The following NAV3 variants were observed in gnomAD, a reference collection of about 807,000 sequenced individuals.
The protein encoded by NAV3 is neuron navigator 3.
A neutral mutation model predicts 244.7 loss-of-function variants in NAV3; 87 were observed. The observed-to-expected ratio is 0.36, with a 90% CI of 0.30 to 0.42. NAV3 has a LOEUF of 0.42. Among genes scored for constraint, NAV3 ranks in the 20% least tolerant of loss-of-function variants. The probability of loss-of-function intolerance (pLI) is 1.00; values close to 1 mark genes in which losing one functional copy is unlikely to be tolerated. For synonymous variants in NAV3, 1,126 were observed against 1,042.2 expected (o/e 1.08, Z -1.55); for missense variants, 2,663 against 2,893.3 (o/e 0.92, Z 1.83).
At chr12:77,912,941 A>G (rs1480755258) in intron 1 of NAV3, among the ~76,000 whole-genome samples, 1 of 152,092 alleles carries the variant, frequency 6.6e-6, no homozygotes, top group Non-Finnish European at 1.5e-5. Context: ...GAAATAAGTA[A>G]TATGTACATT....
intron 12 of NAV3, among the ~76,000 whole-genome samples, chr12:78,070,028 CTT>C (rs959022085): frequency 8.6e-5 from 13 of 152,018 alleles, no homozygotes; most frequent in African/African-American, 2.2e-4. Context: ...CTTTATGAAA[CTT>C]AATTAAATAT....
At chr12:77,871,440 TC>T (rs1383439261) in intron 1 of NAV3, among the ~76,000 whole-genome samples, 1 of 152,050 alleles carries the variant, frequency 6.6e-6, no homozygotes, top group African/African-American at 2.4e-5. Context: ...CCTCCCCTAA[TC>T]CCCATCCCCC....
At chr12:77,600,096 A>G (rs975315839) in intron 2 of NAV3, among the ~76,000 whole-genome samples, 1 of 152,000 alleles carries the variant, frequency 6.6e-6, no homozygotes, top group Non-Finnish European at 1.5e-5. Flanking sequence ...ATTTAGAAAC[A>G]TTGATGCTTA....
At chr12:77,672,888 A>G (rs1470498118) in intron 2 of NAV3, among the ~76,000 whole-genome samples, 1 of 152,190 alleles carries the variant, frequency 6.6e-6, no homozygotes, top group African/African-American at 2.4e-5. Flanking sequence ...TTTTAAAACT[A>G]TATGACTATT....
At position 77,952,210 on chromosome 12, in the gene NAV3, G is replaced by C. The variant is rs1890968195; in HGVS notation, c.414+11077G>C. Among the ~76,000 whole-genome samples, 5 of 152,052 alleles carry C rather than the reference G, an allele frequency of 3.3e-5. No homozygotes were observed. In the South Asian group the frequency reaches 1.0e-3, roughly 31 times the overall value. ...CTCACTCTTTTGACACTGCTTTACA[G>C]GGCAGAAGTTTTTAATTTTTATGAA... On this transcript the variant is annotated intron_variant, in intron 3 of 39. Transcript: ENST00000397909.
At chr12:77,722,523 G>C (rs1876684881) in intron 2 of NAV3, among the ~76,000 whole-genome samples, 1 of 152,022 alleles carries the variant, frequency 6.6e-6, no homozygotes, top group Non-Finnish European at 1.5e-5. Flanking sequence ...GGGCCTAGTT[G>C]TGGTAATTTT....
chr12:78,108,212 A>G (rs771595485), intron 12 of NAV3, among the ~76,000 whole-genome samples: 3 of 152,174 alleles, frequency 2.0e-5, no homozygotes, highest in Non-Finnish European at 2.9e-5. Context: ...AAAAAAGACA[A>G]AGGATGTTAT....
Position 77,727,062 on chromosome 12 carries a change from CATG to C in NAV3, c.72+154798_72+154800del, listed in dbSNP as rs1174607572. Among the ~76,000 whole-genome samples the C allele has an allele frequency of 7.9e-5, 12 of 152,026 alleles. No individual in the cohort carries two copies. In the East Asian group the frequency reaches 1.4e-3, roughly 17 times the overall value. ...CATGAATGAAGATAGCAGAAGGAGA[CATG>C]AGGAGGTGGGGACCATATTGAGGAA... On this transcript the variant is annotated intron_variant, in intron 2 of 8. Coordinates refer to the NAV3 transcript ENST00000550042.
intron 2 of NAV3, among the ~76,000 whole-genome samples, chr12:77,747,910 C>T (rs979796524): frequency 5.9e-5 from 9 of 152,040 alleles, no homozygotes; most frequent in Non-Finnish European, 8.8e-5. Flanking sequence ...GGAGGGATAG[C>T]GTTAGGAGAT....
chr12:77,612,977 A>G (rs1870985059), intron 2 of NAV3, among the ~76,000 whole-genome samples: 2 of 152,032 alleles, frequency 1.3e-5, no homozygotes, highest in Admixed American at 1.3e-4. Flanking sequence ...CTCCATGTGA[A>G]GAAGGATGTA....
chr12:78,059,197 A>G (rs1883949307), intron 12 of NAV3, 82 bp downstream of exon 12: 3 of 1,322,604 alleles, frequency 2.3e-6, no homozygotes, highest in Middle Eastern at 1.9e-4. Context: ...CTCCTATTAA[A>G]CAGTGTAAAT....
chr12:78,177,777 C>T, intron 28 of NAV3, 92 bp downstream of exon 28: 3 of 1,113,424 alleles, frequency 2.7e-6, no homozygotes, highest in South Asian at 1.4e-5. Flanking sequence ...CACTCACATG[C>T]ATTTCAACAA....
chr12:77,911,491 T>C (rs1367641791), intron 1 of NAV3, among the ~76,000 whole-genome samples: 1 of 152,282 alleles, frequency 6.6e-6, no homozygotes, highest in South Asian at 2.1e-4. Flanking sequence ...TTTTGGTTTA[T>C]TGTCAATGCA....
chr12:77,779,982 C>T (rs976730872), intron 2 of NAV3, among the ~76,000 whole-genome samples: 3 of 152,168 alleles, frequency 2.0e-5, no homozygotes, highest in Non-Finnish European at 4.4e-5. Flanking sequence ...GCTTGCTTCT[C>T]CTGTTGGATA....
At chr12:77,618,924 A>C (rs1871248458) in intron 2 of NAV3, among the ~76,000 whole-genome samples, 1 of 152,206 alleles carries the variant, frequency 6.6e-6, no homozygotes, top group African/African-American at 2.4e-5. Flanking sequence ...TGTTTCTTTC[A>C]GTTTCATTGT....
chr12:77,995,527 A>G (rs543109922), intron 6 of NAV3, among the ~76,000 whole-genome samples: 2 of 152,274 alleles, frequency 1.3e-5, no homozygotes, highest in African/African-American at 4.8e-5. Context: ...ACAGCAAAAG[A>G]GTTTTATACC....
intron 12 of NAV3, among the ~76,000 whole-genome samples, chr12:78,103,572 C>T (rs996510293): frequency 2.0e-5 from 3 of 152,064 alleles, no homozygotes; most frequent in South Asian, 2.1e-4. Flanking sequence ...TTTGTTAGTC[C>T]GTTTTCACAC....
At chr12:78,044,522 A>C (rs751717575) in intron 9 of NAV3, among the ~76,000 whole-genome samples, 8 of 152,338 alleles carry the variant, frequency 5.3e-5, no homozygotes, top group Middle Eastern at 3.4e-3. Flanking sequence ...TACTTTGGGC[A>C]GTATGACCAT....
chr12:78,061,538 A>G (rs980128158), intron 12 of NAV3, among the ~76,000 whole-genome samples: 1 of 152,164 alleles, frequency 6.6e-6, no homozygotes, highest in African/African-American at 2.4e-5. Context: ...AAAAGGTCAT[A>G]GTATAAATCC....
Sources: gnomAD v4.1 joint callset for allele counts (sites outside exome capture counted in the v4.1 genomes callset) on GRCh38, gnomAD v4.1.1 for gene constraint, MANE v1.5 for transcripts, NCBI Gene and HGNC (gene_info 2026-07-23, HGNC 2026-07-21) for gene names.